HHIPL1: variants seen among roughly 807,000 people sequenced by gnomAD.
The protein encoded by HHIPL1 is HHIP like 1, also known as HHIP-like protein 1.
A neutral mutation model predicts 61.8 loss-of-function variants in HHIPL1; 43 were observed. The observed-to-expected ratio is 0.70, with a 90% confidence interval of 0.55 to 0.90. The LOEUF (loss-of-function observed/expected upper bound fraction) is 0.90, where lower values mean the gene tolerates loss of function less well. Among genes scored for constraint, HHIPL1 ranks in the 40% least tolerant of loss-of-function variants. The pLI, the probability that HHIPL1 is intolerant of heterozygous loss-of-function variation, is 0.00. For missense variants in HHIPL1, 1,056 were observed against 1,157.7 expected, an observed-to-expected ratio of 0.91 and a Z score of 1.28; for synonymous variants, 482 against 515.8, an observed-to-expected ratio of 0.93 and a Z score of 0.89.
upstream of HHIPL1, among the ~76,000 whole-genome samples, chr14:99,643,487 A>G (rs4905873): frequency 0.79 from 120,903 of 152,174 alleles, 48,274 homozygotes; most frequent in Admixed American, 0.84. Context: ...TGTGTTTGAC[A>G]TTTTCTGTGG....
chr14:99,605,564 C>G, the HHIPL1 span, among the ~76,000 whole-genome samples: 7 of 152,226 alleles, frequency 4.6e-5, no homozygotes, highest in Non-Finnish European at 8.8e-5. Flanking sequence ...GCTCCAGCCC[C>G]GGGGGATTCT....
At chr14:99,646,825 ATG>A (rs1288278834) in intron 1 of HHIPL1, among the ~76,000 whole-genome samples, 16 of 67,576 alleles carry the variant, frequency 2.4e-4, no homozygotes, top group Non-Finnish European at 5.4e-4. Flanking sequence ...ATGATATGAT[ATG>A]ATATGATATA....
At chr14:99,620,423 C>T in the HHIPL1 span, among the ~76,000 whole-genome samples, 11 of 152,360 alleles carry the variant, frequency 7.2e-5, no homozygotes, top group East Asian at 2.1e-3. Flanking sequence ...AGGGAGTGCC[C>T]TCCCCCTTTT....
rs199697537 is a variant in HHIPL1, at chr14:99,660,428, C to A, written c.1502+22C>A. 1.2e-5 allele frequency: 19 copies of A among 1,601,508 alleles called. No individual in the cohort carries two copies. The Admixed American group carries it at 2.0e-4, about 17-fold the overall frequency. On this transcript the variant is annotated intron_variant, in intron 5 of 8. Coordinates refer to ENST00000330710, the MANE Select transcript of HHIPL1 (RefSeq NM_001127258.3). This position sits in a 1 kb window ranked among gnomAD's most constrained non-coding sequence, Gnocchi z 4.9. Reference sequence around the variant, plus strand: ...GCGGGTAAGTGACCTAGTGCCCTCGCGCCCCTGGCTGCTGCCACTGGCTCC... The same window carrying A: ...GCGGGTAAGTGACCTAGTGCCCTCGAGCCCCTGGCTGCTGCCACTGGCTCC...
At chr14:99,605,907 G>A in the HHIPL1 span, among the ~76,000 whole-genome samples, 2 of 152,194 alleles carry the variant, frequency 1.3e-5, no homozygotes, top group African/African-American at 4.8e-5. Flanking sequence ...CCAGGGAAGA[G>A]GCGTGAGAGC....
At chr14:99,620,605 G>T in the HHIPL1 span, among the ~76,000 whole-genome samples, 1 of 152,164 alleles carries the variant, frequency 6.6e-6, no homozygotes, top group African/African-American at 2.4e-5. Flanking sequence ...CCACTCAGGT[G>T]GGGGGCGGGT....
chr14:99,678,392 C>A lies in HHIPL1; in HGVS notation c.*2766C>A, dbSNP rs1362763009. 2 of 152,214 alleles carry A rather than the reference C, an allele frequency of 1.3e-5. No homozygotes were observed. The highest frequency in any genetic ancestry group is 2.4e-5 in the African/African-American group (1 of 41,448). 9.4% of individuals were successfully genotyped at this position (152,214 alleles called of 1,614,324 possible). A position where few individuals can be genotyped will look rare whatever the true frequency, so the allele number is the denominator to read the frequency against. On this transcript the variant is annotated 3_prime_UTR_variant, in exon 9 of 9. Coordinates refer to ENST00000330710, the MANE Select transcript of HHIPL1 (RefSeq NM_001127258.3). ...ATAGCACTAAAACATAAATTTAATT[C>A]TTTCAGCAAGGCAATTTTACTTTCT...
At chr14:99,652,969 A>G in intron 2 of HHIPL1, 99 bp downstream of exon 2, 1 of 1,201,330 alleles carries the variant, frequency 8.3e-7, no homozygotes, top group Non-Finnish European at 1.2e-6. Context: ...TATTGTGAAT[A>G]TTTAACACAC....
At position 99,675,440 on chromosome 14, in the gene HHIPL1, C is replaced by T. The variant is rs1476558749; in HGVS notation, c.2163C>T (p.Ala721=). The T allele has an allele frequency of 1.5e-5, 23 of 1,537,674 alleles. No homozygotes were observed. The highest frequency in any genetic ancestry group is 1.2e-4 in the African/African-American group (9 of 72,940). ...VVCRQLGFAY[A]VRAVKRAEFG... is the part of the protein sequence containing the mutation. Reference sequence around the variant, plus strand: ...GTCGCCAGCTGGGGTTTGCCTACGCCGTGCGCGCCGTCAAGAGAGCCGAGT... The same window carrying T: ...GTCGCCAGCTGGGGTTTGCCTACGCTGTGCGCGCCGTCAAGAGAGCCGAGT... The change falls in exon 9 of 9, where the codon GCC becomes GCT. Residue 721 remains alanine (A), a synonymous_variant. Coordinates refer to ENST00000330710, the MANE Select transcript of HHIPL1 (RefSeq NM_001127258.3). This position sits in a 1 kb window ranked among gnomAD's most constrained non-coding sequence, Gnocchi z 5.4.
At chr14:99,661,143 C>CTTG (rs3070455) in intron 5 of HHIPL1, among the ~76,000 whole-genome samples, 148,066 of 152,074 alleles carry the variant, frequency 0.97, 72,204 homozygotes, top group East Asian at 1. Flanking sequence ...TCGTGACCAC[C>CTTG]TTGTCCCATT....
At chr14:99,618,769 G>A in the HHIPL1 span, among the ~76,000 whole-genome samples, 1 of 152,252 alleles carries the variant, frequency 6.6e-6, no homozygotes, top group Non-Finnish European at 1.5e-5. Flanking sequence ...CAGAGCAGGG[G>A]CTCAGACACC....
At chr14:99,653,472 AC>A (rs1050021105) in intron 2 of HHIPL1, among the ~76,000 whole-genome samples, 1 of 152,192 alleles carries the variant, frequency 6.6e-6, no homozygotes, top group African/African-American at 2.4e-5. Context: ...AACTGGGACT[AC>A]AGGCACACAC....
chr14:99,660,531 G>A lies in HHIPL1; in HGVS notation c.1502+125G>A. On this transcript the variant is annotated intron_variant, in intron 5 of 8. Coordinates refer to ENST00000330710, the MANE Select transcript of HHIPL1 (RefSeq NM_001127258.3). The surrounding 1 kb of genome is among the most constrained non-coding windows in gnomAD (Gnocchi z 4.9). ...CATGTGCCTCGCTGCTCTGACAGGGGCCCCTAGGTGTGGGCCGGACACCCG... is the reference window on the plus strand; with the variant it reads ...CATGTGCCTCGCTGCTCTGACAGGGACCCCTAGGTGTGGGCCGGACACCCG... 1 of 1,259,738 alleles carries A rather than the reference G, an allele frequency of 7.9e-7. No homozygotes were observed. Among genetic ancestry groups the A allele is most frequent in the Non-Finnish European group, 1.1e-6 (1 of 903,484 alleles). 78.0% of individuals were successfully genotyped at this position (1,259,738 alleles called of 1,614,324 possible).
rs904327739 is a variant in HHIPL1 at position 99,678,453 on chromosome 14, G to A, written c.*2827G>A. ...TGCTCATCGCAGATGGAACAATAGT[G>A]AGAGGACACCTGAACAAAGGAGGGA... On this transcript the variant is annotated 3_prime_UTR_variant, in exon 9 of 9. Transcript: ENST00000330710. The A allele has an allele frequency of 6.6e-6, 1 of 152,238 alleles. No individual in the cohort carries two copies. The highest frequency in any genetic ancestry group is 1.5e-5 in the Non-Finnish European group (1 of 68,032). 9.4% of individuals were successfully genotyped at this position (152,238 alleles called of 1,614,324 possible). A position where few individuals can be genotyped will look rare whatever the true frequency, so the allele number is the denominator to read the frequency against.
At position 99,645,373 on chromosome 14, in the gene HHIPL1, C is replaced by T; in HGVS notation, c.166C>T (p.Leu56=). ...CTGCGATGAGGGGCGCGACGCCGAG[C>T]TGACCCGCCGCTTCTGGGCCCTGGC... The part of the protein sequence containing the change: ...GCCDEGRDAE[L]TRRFWALASR... The change falls in exon 1 of 9, where the codon CTG becomes TTG. Residue 56 remains leucine, a synonymous_variant. Transcript: ENST00000330710. The T allele has an allele frequency of 6.9e-7, 1 of 1,439,670 alleles. No homozygotes were observed. 89.2% of individuals were successfully genotyped at this position (1,439,670 alleles called of 1,614,324 possible).
chr14:99,627,029 GA>G, the HHIPL1 span, among the ~76,000 whole-genome samples: 1 of 152,114 alleles, frequency 6.6e-6, no homozygotes, highest in Admixed American at 6.6e-5. The surrounding 1 kb of genome is among the most constrained non-coding windows in gnomAD (Gnocchi z 4.4). Context: ...ACTTGAGCCT[GA>G]GTCTGTCAGA....
chr14:99,664,691 G>C (rs1235119709), intron 6 of HHIPL1, among the ~76,000 whole-genome samples: 2 of 152,194 alleles, frequency 1.3e-5, no homozygotes, highest in Non-Finnish European at 2.9e-5. Context: ...TGCTGGCCCA[G>C]TGTGCTCTAG....
intron 6 of HHIPL1, among the ~76,000 whole-genome samples, chr14:99,665,708 A>G (rs2056233601): frequency 6.6e-6 from 1 of 152,244 alleles, no homozygotes; most frequent in South Asian, 2.1e-4. Context: ...TGCTGGGATT[A>G]CAGGCATGAG....
chr14:99,657,276 C>A, intron 3 of HHIPL1, 133 bp downstream of exon 3: 2 of 1,046,154 alleles, frequency 1.9e-6, no homozygotes, highest in Non-Finnish European at 2.9e-6. Context: ...CCCAGCTCAG[C>A]CTGCAGCTAG....
Sources: gnomAD v4.1 joint callset for allele counts (sites outside exome capture counted in the v4.1 genomes callset) on GRCh38, gnomAD v4.1.1 for gene constraint, Gnocchi (gnomAD v3.1) non-coding constraint, MANE v1.5 for transcripts, NCBI Gene and HGNC (gene_info 2026-07-23, HGNC 2026-07-21) for gene names.